The following ZNF79 variants were observed in gnomAD, a reference collection of about 807,000 sequenced individuals.
The protein encoded by ZNF79 is zinc finger protein 79.
A neutral mutation model predicts 14.9 loss-of-function variants in ZNF79; 13 were observed. The ratio of observed to expected loss-of-function variants is 0.87; its 90% CI spans 0.57 to 1.38. ZNF79 has a LOEUF of 1.38. ZNF79 is among the 40% of genes most tolerant of loss of function. The pLI is 0.00. For missense variants in ZNF79, 631 were observed against 630.6 expected, an observed-to-expected ratio of 1.00 and a Z score of -0.01; for synonymous variants, 223 against 235.1, an observed-to-expected ratio of 0.95 and a Z score of 0.47.
Position 127,445,084 on chromosome 9 carries a change from C to A in ZNF79, c.1384C>A (p.Gln462Lys). Residue 462 changes from glutamine (Q) to lysine (K), a missense_variant, in exon 5 of 5, where the codon CAG becomes AAG. Transcript: ENST00000342483. Reference protein sequence around the residue: ...KAFNQSSSLSQHQRIHTGVKP... With the variant: ...KAFNQSSSLSKHQRIHTGVKP... ...GTTTAACCAGAGCTCATCCCTTAGT[C>A]AGCATCAGAGAATCCACACAGGCGT... The A allele has an allele frequency of 6.2e-7, 1 of 1,612,070 alleles. No homozygotes were observed. Among genetic ancestry groups the A allele is most frequent in the South Asian group, 1.1e-5 (1 of 90,938 alleles).
At chr9:127,443,551 C>T (rs1156723159) in intron 4 of ZNF79, among the ~76,000 whole-genome samples, 1 of 152,110 alleles carries the variant, frequency 6.6e-6, no homozygotes, top group Non-Finnish European at 1.5e-5. Flanking sequence ...TAATGTGTTG[C>T]ACTATGACAT....
At chr9:127,432,018 T>C (rs1350576794) in intron 2 of ZNF79, among the ~76,000 whole-genome samples, 1 of 152,234 alleles carries the variant, frequency 6.6e-6, no homozygotes, top group Non-Finnish European at 1.5e-5. Context: ...TCCTTTTTTC[T>C]TGACTAGGTA....
intron 2 of ZNF79, among the ~76,000 whole-genome samples, chr9:127,433,136 T>C (rs981676004): frequency 2.0e-5 from 3 of 152,124 alleles, no homozygotes; most frequent in African/African-American, 7.2e-5. Flanking sequence ...AATGTACCTC[T>C]CGGTGTAATG....
chr9:127,424,492 G>GCCAGTTT lies in ZNF79; in HGVS notation c.-291_-290insTTCCAGT. 2.5e-6 allele frequency: 1 copy of GCCAGTTT among 398,368 alleles called. No individual in the cohort carries two copies. The highest frequency in any genetic ancestry group is 4.6e-6 in the Non-Finnish European group (1 of 215,356). The allele number at this position is 398,368 out of a possible 1,614,324, so 24.7% of individuals were successfully genotyped here. On this transcript the variant is annotated 5_prime_UTR_variant, in exon 1 of 5. Transcript: ENST00000342483. ...GGTAGATTGTTGCCAGTTGCCAGTT[G>GCCAGTTT]CCAGTCGTTTTTCGGAAAGCTGGCA...
At chr9:127,436,196 G>A (rs550347192) in intron 4 of ZNF79, among the ~76,000 whole-genome samples, 193 bp downstream of exon 4, 1 of 152,224 alleles carries the variant, frequency 6.6e-6, no homozygotes, top group Admixed American at 6.5e-5. Context: ...GCAAGGCTGG[G>A]ATTTGAAGCA....
chr9:127,445,320 C>T lies in ZNF79; in HGVS notation c.*123C>T, dbSNP rs1349353565. 1.9e-6 allele frequency: 2 copies of T among 1,030,908 alleles called. No individual in the cohort carries two copies. The highest frequency in any genetic ancestry group is 1.6e-5 in the South Asian group (1 of 62,914). The allele number at this position is 1,030,908 out of a possible 1,614,324, so 63.9% of individuals were successfully genotyped here. A position where few individuals can be genotyped will look rare whatever the true frequency, so the allele number is the denominator to read the frequency against. On this transcript the variant is annotated 3_prime_UTR_variant, in exon 5 of 5. Transcript: ENST00000342483. ...GACATCTAACTTAGAGTCTGCAGCC[C>T]AGAGCCACATGCAAAACACCTTCAA...
chr9:127,443,545 G>A (rs563907564), intron 4 of ZNF79, among the ~76,000 whole-genome samples: 5 of 152,340 alleles, frequency 3.3e-5, no homozygotes, highest in Admixed American at 3.3e-4. Context: ...CGTGAGTAAT[G>A]TGTTGCACTA....
chr9:127,437,432 T>G (rs1322757113), intron 4 of ZNF79, among the ~76,000 whole-genome samples: 1 of 152,012 alleles, frequency 6.6e-6, no homozygotes. Context: ...GAGCAGTGTT[T>G]AGTGGCGAGG....
Position 127,435,187 on chromosome 9 carries a change from C to T in ZNF79, c.203C>T (p.Pro68Leu), listed in dbSNP as rs2131952403. Residue 68 changes from proline to leucine, a missense_variant, in exon 3 of 5, where the codon CCA becomes CTA. Coordinates refer to ENST00000342483, the MANE Select transcript of ZNF79 (RefSeq NM_007135.3). ...TPRDRFKEGI[P>L]GKSRSLVLLG... ...CGGGACAGGTTCAAGGAGGGGATAC[C>T]AGGAAAGTCCAGGAGCCTTGTCCTA... is the stretch of plus-strand genomic sequence containing the variant. 5.0e-6 allele frequency: 8 copies of T among 1,610,636 alleles called. No homozygotes were observed. Among genetic ancestry groups the T allele is most frequent in the Non-Finnish European group, 6.8e-6 (8 of 1,178,588 alleles).
intron 4 of ZNF79, among the ~76,000 whole-genome samples, chr9:127,443,486 C>A (rs772651840): frequency 1.3e-5 from 2 of 152,196 alleles, no homozygotes; most frequent in Non-Finnish European, 2.9e-5. Flanking sequence ...GCTGTACTTT[C>A]ATATGACTGG....
chr9:127,433,583 C>T (rs1221793948), intron 2 of ZNF79, among the ~76,000 whole-genome samples: 2 of 152,154 alleles, frequency 1.3e-5, no homozygotes, highest in African/African-American at 4.8e-5. Flanking sequence ...GAGTAGGTGC[C>T]GCTTTGTTAC....
intron 1 of ZNF79, among the ~76,000 whole-genome samples, chr9:127,425,992 C>T (rs1361228225): frequency 6.6e-6 from 1 of 152,184 alleles, no homozygotes; most frequent in Non-Finnish European, 1.5e-5. Context: ...GAAAGCAGAG[C>T]AGATGGGTCG....
chr9:127,427,426 A>T (rs1833779090), intron 1 of ZNF79, among the ~76,000 whole-genome samples: 1 of 151,282 alleles, frequency 6.6e-6, no homozygotes, highest in African/African-American at 2.4e-5. Context: ...TCCGTCTCAA[A>T]AAAAAAAAAA....
At chr9:127,440,989 G>A (rs932179800) in intron 4 of ZNF79, among the ~76,000 whole-genome samples, 7 of 152,164 alleles carry the variant, frequency 4.6e-5, no homozygotes, top group African/African-American at 1.4e-4. Flanking sequence ...GCCAGCACTC[G>A]AGAGAGGTGA....
At chr9:127,437,340 C>CG (rs1554750092) in intron 4 of ZNF79, among the ~76,000 whole-genome samples, 5 of 150,756 alleles carry the variant, frequency 3.3e-5, no homozygotes, top group Non-Finnish European at 7.4e-5. Flanking sequence ...CTCTCAAGGC[C>CG]CCCCCCCGCT....
chr9:127,430,375 G>A (rs1833839016), intron 2 of ZNF79, among the ~76,000 whole-genome samples: 1 of 152,090 alleles, frequency 6.6e-6, no homozygotes, highest in Non-Finnish European at 1.5e-5. Context: ...CTCAGGTAGG[G>A]AGCATAGTAC....
intron 4 of ZNF79, among the ~76,000 whole-genome samples, chr9:127,438,119 T>C (rs1270583663): frequency 6.6e-6 from 1 of 152,096 alleles, no homozygotes; most frequent in Non-Finnish European, 1.5e-5. Flanking sequence ...AGGAGGCTTC[T>C]GCCAGCAGAG....
chr9:127,431,607 GT>G (rs1833863401), intron 2 of ZNF79, among the ~76,000 whole-genome samples: 1 of 152,078 alleles, frequency 6.6e-6, no homozygotes, highest in Admixed American at 6.6e-5. Context: ...GTCAGTTTTT[GT>G]TTTTGTTGCA....
At position 127,445,133 on chromosome 9, in the gene ZNF79, G is replaced by C. The variant is rs1217433869; in HGVS notation, c.1433G>C (p.Cys478Ser). 19 of 1,614,264 alleles carry C rather than the reference G, an allele frequency of 1.2e-5. No homozygotes were observed. The highest frequency in any genetic ancestry group is 1.6e-5 in the Non-Finnish European group (19 of 1,180,046). The change falls in exon 5 of 5, where the codon TGT becomes TCT. Residue 478 changes from cysteine to serine, a missense_variant. Cys to Ser is a moderately radical substitution (Grantham distance 112). Transcript: ENST00000342483. ...TGVKPYECSE[C>S]GKAFRCSSAF... Reference sequence around the variant, plus strand: ...GTGAAACCCTACGAATGCAGCGAGTGTGGGAAGGCCTTCCGGTGCAGCTCT... The same window carrying C: ...GTGAAACCCTACGAATGCAGCGAGTCTGGGAAGGCCTTCCGGTGCAGCTCT...
Sources: allele counts gnomAD v4.1 joint callset (sites outside exome capture counted in the v4.1 genomes callset), GRCh38; gene constraint gnomAD v4.1.1; transcripts MANE v1.5; gene names NCBI Gene and HGNC (gene_info 2026-07-23, HGNC 2026-07-21).